SMCHD1: variants seen among roughly 807,000 people sequenced by gnomAD.
The protein encoded by SMCHD1 is structural maintenance of chromosomes flexible hinge domain-containing protein 1.
SMCHD1 carries 78 observed loss-of-function variants against 254.7 expected under a neutral mutation model. The observed-to-expected ratio is 0.31, with a 90% CI of 0.26 to 0.37. The LOEUF (loss-of-function observed/expected upper bound fraction) is 0.37. Ranked by LOEUF, SMCHD1 falls within the 10% of genes least tolerant of loss-of-function variation. SMCHD1 has a pLI of 1.00. For synonymous variants in SMCHD1, 766 were observed against 794.9 expected (o/e 0.96, Z 0.61); for missense variants, 1,840 against 2,408.1 (o/e 0.76, Z 4.94).
intron 17 of SMCHD1, among the ~76,000 whole-genome samples, chr18:2,717,103 G>A (rs2074817327): frequency 6.6e-6 from 1 of 152,292 alleles, no homozygotes; most frequent in Admixed American, 6.5e-5. Flanking sequence ...TTTCTGTGCA[G>A]CCCGCTGTGA....
intron 45 of SMCHD1, among the ~76,000 whole-genome samples, chr18:2,794,935 A>G (rs1598458276): frequency 6.6e-6 from 1 of 152,202 alleles, no homozygotes; most frequent in Non-Finnish European, 1.5e-5. Context: ...TTCCCAGGTC[A>G]TTAATTTGAA....
chr18:2,743,825 A>C lies in SMCHD1; in HGVS notation c.3698A>C (p.Asp1233Ala), dbSNP rs1466799195. Residue 1233 changes from aspartate (D) to alanine (A), a missense_variant, in exon 29 of 48, where the codon GAT becomes GCT. This residue lies in a region of SMCHD1 where 881 missense variants were observed against 1,009.5 expected (regional missense o/e 0.87). Transcript: ENST00000320876. ...KFIPGPPGNK[D>A]LCFTWREFSD... Reference sequence around the variant, plus strand: ...ATTCCAGGTCCTCCTGGAAATAAGGATCTTTGTTTTACTTGGCGTGAGTTT... The same window carrying C: ...ATTCCAGGTCCTCCTGGAAATAAGGCTCTTTGTTTTACTTGGCGTGAGTTT... The C allele has an allele frequency of 6.2e-7, 1 of 1,613,234 alleles. No individual in the cohort carries two copies. The highest frequency in any genetic ancestry group is 2.2e-5 in the East Asian group (1 of 44,794).
intron 17 of SMCHD1, among the ~76,000 whole-genome samples, chr18:2,708,907 T>TATATATATATATATATATATATA (rs769432583): frequency 1.3e-4 from 6 of 44,698 alleles, no homozygotes; most frequent in Admixed American, 3.0e-4. Flanking sequence ...TATATATATA[T>TATATATATATATATATATATATA]AACATATTAA....
At chr18:2,671,740 C>T (rs1349557888) in intron 3 of SMCHD1, among the ~76,000 whole-genome samples, 4 of 151,826 alleles carry the variant, frequency 2.6e-5, no homozygotes, top group South Asian at 2.1e-4. Flanking sequence ...GGACTGCAGG[C>T]GCCCACCAGC....
intron 34 of SMCHD1, among the ~76,000 whole-genome samples, chr18:2,753,623 C>T (rs1350552345): frequency 2.0e-5 from 3 of 152,166 alleles, no homozygotes; most frequent in Non-Finnish European, 2.9e-5. Context: ...CTCACTGCAA[C>T]CTCTGCTTCC....
chr18:2,767,608 G>C (rs1484015461), intron 37 of SMCHD1, among the ~76,000 whole-genome samples: 3 of 15,590 alleles, frequency 1.9e-4, no homozygotes, highest in Admixed American at 5.7e-4. Context: ...TTTTTTTTTT[G>C]AGACAGAGTC....
rs748351329 is a variant in SMCHD1 at position 2,743,922 on chromosome 18, A to G, written c.3795A>G (p.Leu1265=). Residue 1265 remains leucine (L), a synonymous_variant, in exon 29 of 48, where the codon CTA becomes CTG. Coordinates refer to ENST00000320876, the MANE Select transcript of SMCHD1 (RefSeq NM_015295.3). ...TTCTCCTTATAGACTGGCCAGAACT[A>G]AAGGAGGTAAGTCACTTCATGTCTT... ...AKLLLIDWPE[L]KESIPVINGR... is the part of the protein sequence containing the mutation. 2 of 1,604,112 alleles carry G rather than the reference A, an allele frequency of 1.2e-6. No individual in the cohort carries two copies. The highest frequency in any genetic ancestry group is 1.7e-6 in the Non-Finnish European group (2 of 1,175,136).
chr18:2,693,026 T>C (rs940879997), intron 7 of SMCHD1, among the ~76,000 whole-genome samples: 43 of 152,226 alleles, frequency 2.8e-4, no homozygotes, highest in African/African-American at 1.0e-3. Context: ...GCAATTAGTG[T>C]ATAGAGATGC....
At position 2,660,577 on chromosome 18, in the gene SMCHD1, G is replaced by A. The variant is rs141883664; in HGVS notation, c.186+4316G>A. On this transcript the variant is annotated intron_variant, in intron 1 of 47. Transcript: ENST00000320876. ...CAACCTCCGCCTCCCAAGTTCCAGC[G>A]ATTCTCCTGCTTCAGCCTTCCAAAT... Among the ~76,000 whole-genome samples, 69 of 149,434 alleles carry A rather than the reference G, an allele frequency of 4.6e-4. 1 individual carries two copies. The East Asian group carries it at 0.013, about 29-fold the overall frequency.
At position 2,655,944 on chromosome 18, in the gene SMCHD1, G is replaced by A; in HGVS notation, c.-132G>A. The A allele has an allele frequency of 1.6e-6, 1 of 623,542 alleles. No homozygotes were observed. 38.6% of individuals were successfully genotyped at this position (623,542 alleles called of 1,614,324 possible). ...GCTGCTCGGCCGCCGCCGCTGACGA[G>A]GAGCTGCAGCGCGCCGGGCCGAGGC... On this transcript the variant is annotated 5_prime_UTR_variant, in exon 1 of 48. Transcript: ENST00000320876.
rs1027279072 is a variant in SMCHD1 at position 2,794,213 on chromosome 18, G to A, written c.5720-1736G>A. Among the ~76,000 whole-genome samples the A allele has an allele frequency of 5.3e-5, 8 of 152,032 alleles. No homozygotes were observed. In the East Asian group the frequency reaches 7.7e-4, roughly 15 times the overall value. On this transcript the variant is annotated intron_variant, in intron 45 of 47. Transcript: ENST00000320876. ...CTCACTCCTGTAATCCCAGCACTTC[G>A]GGAGCCCAAGATGGTTAGATCGCTT...
At chr18:2,757,426 ATTGGTCTCAAACTC>A (rs2075703079) in intron 34 of SMCHD1, among the ~76,000 whole-genome samples, 1 of 151,848 alleles carries the variant, frequency 6.6e-6, no homozygotes, top group East Asian at 1.9e-4. Flanking sequence ...TGTTGCCCAG[ATTGGTCTCAAACTC>A]TTGGTCTCAA....
At chr18:2,792,023 A>G (rs1285689609) in intron 45 of SMCHD1, among the ~76,000 whole-genome samples, 1 of 152,238 alleles carries the variant, frequency 6.6e-6, no homozygotes, top group Non-Finnish European at 1.5e-5. Context: ...TAAAATCTGA[A>G]ACTATACTAA....
At chr18:2,682,133 G>T (rs2073944327) in intron 5 of SMCHD1, among the ~76,000 whole-genome samples, 1 of 151,800 alleles carries the variant, frequency 6.6e-6, no homozygotes, top group Non-Finnish European at 1.5e-5. Context: ...TTGGTGGCCA[G>T]TTTTGTTAGA....
Position 2,732,292 on chromosome 18 carries a change from A to G in SMCHD1, c.3076A>G (p.Lys1026Glu). The G allele has an allele frequency of 6.2e-7, 1 of 1,613,698 alleles. No individual in the cohort carries two copies. Among genetic ancestry groups the G allele is most frequent in the Non-Finnish European group, 8.5e-7 (1 of 1,179,730 alleles). The change falls in exon 25 of 48, where the codon AAG (lysine) becomes GAG (glutamate). Residue 1026 changes from lysine to glutamate, a missense_variant. Lys to Glu is a moderately conservative substitution (Grantham distance 56). Around this residue, in one of 9 missense-constraint regions of SMCHD1, gnomAD observed 881 missense variants for 1,009.5 expected, o/e 0.87. Coordinates refer to ENST00000320876, the MANE Select transcript of SMCHD1 (RefSeq NM_015295.3). ...TTGTAAAGATGTGGCACCTGTGGAG[A>G]AGACTATTAAGTTGCTTCCCAGTAG... Reference protein sequence around the residue: ...PSCKDVAPVEKTIKLLPSSHV... With the variant: ...PSCKDVAPVEETIKLLPSSHV...
At position 2,666,182 on chromosome 18, in the gene SMCHD1, A is replaced by G; in HGVS notation, c.212A>G (p.Lys71Arg). ...CQTLGISPEE[K>R]FVITTTSRKE... is the part of the protein sequence containing the mutation. ...ACACTTGGCATTTCACCTGAAGAAA[A>G]ATTTGTTATTACAACAACAAGTAGG... Residue 71 changes from lysine to arginine, a missense_variant, in exon 2 of 48, where the codon AAA (lysine) becomes AGA (arginine). Coordinates refer to ENST00000320876, the MANE Select transcript of SMCHD1 (RefSeq NM_015295.3). 1.3e-6 allele frequency: 2 copies of G among 1,558,098 alleles called. No individual in the cohort carries two copies. The highest frequency in any genetic ancestry group is 1.8e-6 in the Non-Finnish European group (2 of 1,133,912).
In SMCHD1 at chr18:2,666,151, G is replaced by T; in HGVS notation, c.187-6G>T. 1.5e-6 allele frequency: 2 copies of T among 1,375,920 alleles called. No individual in the cohort carries two copies. The highest frequency in any genetic ancestry group is 2.0e-6 in the Non-Finnish European group (2 of 977,144). 85.2% of individuals were successfully genotyped at this position (1,375,920 alleles called of 1,614,324 possible). A position where few individuals can be genotyped will look rare whatever the true frequency, so the allele number is the denominator to read the frequency against. ...AATAAGTGATTTTATTTCTTATTTTGGATAGACACTTGGCATTTCACCTGA... is the reference window on the plus strand; with the variant it reads ...AATAAGTGATTTTATTTCTTATTTTTGATAGACACTTGGCATTTCACCTGA... On this transcript the variant is annotated splice_region_variant and splice_polypyrimidine_tract_variant and intron_variant, in intron 1 of 47. Coordinates refer to ENST00000320876, the MANE Select transcript of SMCHD1 (RefSeq NM_015295.3).
intron 47 of SMCHD1, among the ~76,000 whole-genome samples, chr18:2,799,541 G>A (rs1288532235): frequency 2.6e-5 from 4 of 151,930 alleles, no homozygotes; most frequent in Admixed American, 2.6e-4. Context: ...TGTAAATATT[G>A]TTCAGGCAAA....
In SMCHD1 at chr18:2,699,444, A is replaced by G. The variant is rs189943135; in HGVS notation, c.1343-1095A>G. On this transcript the variant is annotated intron_variant, in intron 10 of 47. Transcript: ENST00000320876. The stretch of plus-strand genomic sequence containing the variant: ...AGTCTCTGCCTCCCAGGTTCAAGCA[A>G]TTCTCATGGATCAGCCTCCTGAGTA... Among the ~76,000 whole-genome samples the G allele has an allele frequency of 3.9e-4, 60 of 152,298 alleles. No homozygotes were observed. The East Asian group carries it at 0.011, about 27-fold the overall frequency.
Sources: allele counts gnomAD v4.1 joint callset (sites outside exome capture counted in the v4.1 genomes callset), GRCh38; gene constraint gnomAD v4.1.1; regional missense constraint gnomAD v4.1.1; transcripts MANE v1.5; gene names NCBI Gene and HGNC (gene_info 2026-07-23, HGNC 2026-07-21).